Variants in SMAP2 observed in about 807,000 individuals in gnomAD.
SMAP2 encodes small ArfGAP2, also known as stromal membrane-associated protein 2.
A neutral mutation model predicts 56.4 loss-of-function variants in SMAP2; 25 were observed. The ratio of observed to expected loss-of-function variants is 0.44; its 90% confidence interval spans 0.32 to 0.62. SMAP2 has a LOEUF of 0.62. Among genes scored for constraint, SMAP2 ranks in the 20% least tolerant of loss-of-function variants. SMAP2 has a pLI of 0.04. For synonymous variants in SMAP2, 157 were observed against 181.7 expected, an observed-to-expected ratio of 0.86 and a Z score of 1.09; for missense variants, 388 against 545.6, an observed-to-expected ratio of 0.71 and a Z score of 2.88.
In SMAP2 at chr1:40,356,282, C is replaced by T. The variant is rs535526399; in HGVS notation, c.-82-6018C>T. On this transcript the variant is annotated intron_variant, in intron 1 of 6. Transcript: ENST00000435168. The stretch of plus-strand genomic sequence containing the variant: ...GTCCTGGCTATAGTGAACAGTGCTG[C>T]AATAAACAGGACAGTGCAGATATCC... Among the ~76,000 whole-genome samples, 131 of 152,262 alleles carry T rather than the reference C, an allele frequency of 8.6e-4. 1 individual carries two copies. Among genetic ancestry groups the T allele is most frequent in the Non-Finnish European group, 1.6e-3 (111 of 68,020 alleles).
rs1042476815 is a variant in SMAP2 at position 40,408,934 on chromosome 1, C to T, written c.323+196C>T. On this transcript the variant is annotated intron_variant, in intron 3 of 9. Transcript: ENST00000372718. The surrounding 1 kb of genome is among the most constrained non-coding windows in gnomAD (Gnocchi z 4.3). ...GAATGTCGGAATTGTCATACGGTGTCACTTGAAGAAGACTCACTCTGGAAT... is the reference window on the plus strand; with the variant it reads ...GAATGTCGGAATTGTCATACGGTGTTACTTGAAGAAGACTCACTCTGGAAT... Among the ~76,000 whole-genome samples, 4 of 152,196 alleles carry T rather than the reference C, an allele frequency of 2.6e-5. No individual in the cohort carries two copies. In the South Asian group the frequency reaches 8.3e-4, roughly 32 times the overall value.
At chr1:40,359,830 C>G (rs917925762) in intron 1 of SMAP2, among the ~76,000 whole-genome samples, 9 of 152,032 alleles carry the variant, frequency 5.9e-5, no homozygotes, top group Admixed American at 3.3e-4. Flanking sequence ...TTATCCCCCT[C>G]CTTTTTAACT....
At chr1:40,418,149 A>G (rs771644017) in intron 9 of SMAP2, among the ~76,000 whole-genome samples, 50 of 152,214 alleles carry the variant, frequency 3.3e-4, no homozygotes, top group Non-Finnish European at 5.4e-4. Flanking sequence ...TTAAATCAGA[A>G]ATTCAAAAAC....
Position 40,384,556 on chromosome 1 carries a change from C to T in SMAP2, c.103+10333C>T, listed in dbSNP as rs530270966. ...TCAATCAGGTCACCTGCATTTGGGC[C>T]CTTGCTATATTAATGGAATTGGTGG... On this transcript the variant is annotated intron_variant, in intron 1 of 9. Transcript: ENST00000372718. Among the ~76,000 whole-genome samples, 10 of 152,222 alleles carry T rather than the reference C, an allele frequency of 6.6e-5. No individual in the cohort carries two copies. In the South Asian group the frequency reaches 2.1e-3, roughly 32 times the overall value.
In SMAP2 at chr1:40,373,821, G is replaced by C. The variant is rs1330461667; in HGVS notation, c.-300G>C. On this transcript the variant is annotated 5_prime_UTR_variant, in exon 1 of 10. Coordinates refer to ENST00000372718, the MANE Select transcript of SMAP2 (RefSeq NM_022733.3). ...GCCGGCCAGAGGGTCATCTGCGTCC[G>C]GCACCCAGGAGGCTCGTGGTCCGCC... 2 of 260,846 alleles carry C rather than the reference G, an allele frequency of 7.7e-6. No homozygotes were observed. Among genetic ancestry groups the C allele is most frequent in the Non-Finnish European group, 1.5e-5 (2 of 135,498 alleles). 16.2% of individuals were successfully genotyped at this position (260,846 alleles called of 1,614,324 possible). A position where few individuals can be genotyped will look rare whatever the true frequency, so the allele number is the denominator to read the frequency against.
At chr1:40,384,667 C>CT (rs962448848) in intron 1 of SMAP2, among the ~76,000 whole-genome samples, 2 of 152,200 alleles carry the variant, frequency 1.3e-5, no homozygotes, top group Non-Finnish European at 2.9e-5. Flanking sequence ...ATAAAGGACT[C>CT]TCGTTGTTTG....
chr1:40,415,257 G>A lies in SMAP2; in HGVS notation c.572-15G>A, dbSNP rs374248678. On this transcript the variant is annotated splice_polypyrimidine_tract_variant and intron_variant, in intron 6 of 9. Transcript: ENST00000372718. ...ATAAGCAGTGCTGCATCTTAACTTCGATCTCTCTTTCTAGATGCTCCTGTG... is the reference window on the plus strand; with the variant it reads ...ATAAGCAGTGCTGCATCTTAACTTCAATCTCTCTTTCTAGATGCTCCTGTG... 7.5e-6 allele frequency: 12 copies of A among 1,595,282 alleles called. No individual in the cohort carries two copies. The South Asian group carries it at 1.2e-4, about 16-fold the overall frequency.
Position 40,345,584 on chromosome 1 carries a change from C to G in SMAP2, c.-83+674C>G, listed in dbSNP as rs180899883. On this transcript the variant is annotated intron_variant, in intron 1 of 6. Coordinates refer to the SMAP2 transcript ENST00000435168. ...TCAAGCAATCCTCCTACCTCAGCCT[C>G]CCAAAGTGCTAGGATTACAAGTGTG... Among the ~76,000 whole-genome samples, 197 of 152,056 alleles carry G rather than the reference C, an allele frequency of 1.3e-3. 2 individuals are homozygous for G. The highest frequency in any genetic ancestry group is 8.7e-3 in the Admixed American group (133 of 15,242).
At chr1:40,363,476 T>C (rs919292302) in intron 2 of SMAP2, among the ~76,000 whole-genome samples, 1 of 152,058 alleles carries the variant, frequency 6.6e-6, no homozygotes, top group African/African-American at 2.4e-5. Context: ...TAAAACTATG[T>C]GCATGTTTTT....
chr1:40,356,513 C>G (rs1644437145), intron 1 of SMAP2, among the ~76,000 whole-genome samples: 1 of 151,774 alleles, frequency 6.6e-6, no homozygotes, highest in Non-Finnish European at 1.5e-5. Context: ...CGGGTCCACA[C>G]CATTCTCCTG....
intron 4 of SMAP2, among the ~76,000 whole-genome samples, chr1:40,411,793 A>G (rs1424577830): frequency 6.6e-6 from 1 of 152,196 alleles, no homozygotes; most frequent in African/African-American, 2.4e-5. Context: ...ACTTTGTATG[A>G]GAAAAACAGC....
At chr1:40,416,362 G>A (rs1227913421) in intron 8 of SMAP2, 21 bp downstream of exon 8, 4 of 1,607,186 alleles carry the variant, frequency 2.5e-6, no homozygotes, top group Non-Finnish European at 3.4e-6. Flanking sequence ...TGGGTGTCAT[G>A]GCCATGTGCC....
intron 1 of SMAP2, among the ~76,000 whole-genome samples, chr1:40,384,404 A>G (rs1211338835): frequency 6.6e-6 from 1 of 152,190 alleles, no homozygotes; most frequent in African/African-American, 2.4e-5. Context: ...CTTGTAAGGA[A>G]TGTTGCTGCT....
At chr1:40,407,472 A>G (rs991220291) in intron 2 of SMAP2, among the ~76,000 whole-genome samples, 1 of 152,224 alleles carries the variant, frequency 6.6e-6, no homozygotes, top group Non-Finnish European at 1.5e-5. Context: ...CCTGAGCAAT[A>G]GAGTGAGACC....
At chr1:40,404,468 A>G (rs1189441518) in intron 1 of SMAP2, among the ~76,000 whole-genome samples, 1 of 152,218 alleles carries the variant, frequency 6.6e-6, no homozygotes, top group Non-Finnish European at 1.5e-5. Flanking sequence ...AGAAGCAAAA[A>G]GACTTTAAGT....
At position 40,408,185 on chromosome 1, in the gene SMAP2, G is replaced by T. The variant is rs532024243; in HGVS notation, c.238-468G>T. Among the ~76,000 whole-genome samples, 1 of 152,250 alleles carries T rather than the reference G, an allele frequency of 6.6e-6. No individual in the cohort carries two copies. Among genetic ancestry groups the T allele is most frequent in the South Asian group, 2.1e-4 (1 of 4,830 alleles). On this transcript the variant is annotated intron_variant, in intron 2 of 9. Transcript: ENST00000372718. This position sits in a 1 kb window ranked among gnomAD's most constrained non-coding sequence, Gnocchi z 4.3. ...GAAATTATATGCCATGGAGATAGTC[G>T]GGAATTTGGAGATTTAAAAAGCTCT...
In SMAP2 at chr1:40,374,291, G is replaced by A. The variant is rs959246706; in HGVS notation, c.103+68G>A. 2.9e-6 allele frequency: 4 copies of A among 1,377,282 alleles called. No individual in the cohort carries two copies. In the African/African-American group the frequency reaches 5.7e-5, roughly 20 times the overall value. The allele number at this position is 1,377,282 out of a possible 1,614,324, so 85.3% of individuals were successfully genotyped here. ...GGGTGGTGGGGGTGGGCTGCGTGAA[G>A]AGGCGGTTTCTGAAGCTTAGGCCGC... On this transcript the variant is annotated intron_variant, in intron 1 of 9. Coordinates refer to ENST00000372718, the MANE Select transcript of SMAP2 (RefSeq NM_022733.3). The surrounding 1 kb of genome is among the most constrained non-coding windows in gnomAD (Gnocchi z 5.9).
upstream of SMAP2, among the ~76,000 whole-genome samples, chr1:40,373,177 G>T (rs1644508585): frequency 6.6e-6 from 1 of 152,172 alleles, no homozygotes; most frequent in Admixed American, 6.5e-5. Flanking sequence ...AAAAAGGCAG[G>T]AGTCACAGAG....
At chr1:40,350,235 T>C (rs979658154) in intron 1 of SMAP2, among the ~76,000 whole-genome samples, 4 of 152,176 alleles carry the variant, frequency 2.6e-5, no homozygotes, top group African/African-American at 9.6e-5. Context: ...TCCTGAGTCA[T>C]GGCCTTCAGG....
Sources: gnomAD v4.1 joint callset for allele counts (sites outside exome capture counted in the v4.1 genomes callset) on GRCh38, gnomAD v4.1.1 for gene constraint, Gnocchi (gnomAD v3.1) non-coding constraint, MANE v1.5 for transcripts, NCBI Gene and HGNC (gene_info 2026-07-23, HGNC 2026-07-21) for gene names.